Variants in PCSK5 observed in about 807,000 individuals in gnomAD.
The protein encoded by PCSK5 is prohormone convertase 5.
Under a neutral mutation model 233.2 loss-of-function variants are expected in PCSK5, and 129 were observed. The ratio of observed to expected loss-of-function variants is 0.55; its 90% CI spans 0.48 to 0.64. The LOEUF is 0.64. Among genes scored for constraint, PCSK5 ranks in the 30% least tolerant of loss-of-function variants. The pLI is 0.00. For missense variants in PCSK5, 2,076 were observed against 2,430.1 expected, an observed-to-expected ratio of 0.85 and a Z score of 3.06; for synonymous variants, 825 against 879.2, an observed-to-expected ratio of 0.94 and a Z score of 1.09.
Position 75,904,175 on chromosome 9 carries a change from G to A in PCSK5, c.192+12802G>A, listed in dbSNP as rs576694409. Among the ~76,000 whole-genome samples the A allele has an allele frequency of 3.3e-5, 5 of 152,250 alleles. No homozygotes were observed. In the South Asian group the frequency reaches 1.0e-3, roughly 32 times the overall value. ...TTGGACAATGCTGGGAACCAGTGAA[G>A]GAAACTCAAAGCTGAAAACAGGTGA... On this transcript the variant is annotated intron_variant, in intron 1 of 37. Transcript: ENST00000674117.
chr9:76,350,996 T>G (rs1830108975), intron 36 of PCSK5, 68 bp downstream of exon 36: 1 of 787,114 alleles, frequency 1.3e-6, no homozygotes, highest in Non-Finnish European at 2.2e-6. Flanking sequence ...ACTTCCTGCA[T>G]GTCATTCTGG....
chr9:75,911,201 G>GTTT (rs71370772), intron 1 of PCSK5, among the ~76,000 whole-genome samples: 647 of 48,754 alleles, frequency 0.013, 70 homozygotes, highest in African/African-American at 0.026. Flanking sequence ...GAACATATAG[G>GTTT]TTTTTTTTTT....
At chr9:76,120,112 G>A (rs1001271454) in intron 9 of PCSK5, among the ~76,000 whole-genome samples, 49 of 151,918 alleles carry the variant, frequency 3.2e-4, no homozygotes, top group Non-Finnish European at 8.8e-5. Flanking sequence ...TTATTTTGTT[G>A]TCCAGTATGA....
At chr9:76,044,571 C>T (rs1457374046) in intron 5 of PCSK5, among the ~76,000 whole-genome samples, 2 of 152,186 alleles carry the variant, frequency 1.3e-5, no homozygotes, top group Non-Finnish European at 2.9e-5. Context: ...GTGAGCATTA[C>T]AGATCATGCA....
intron 2 of PCSK5, among the ~76,000 whole-genome samples, chr9:75,937,645 G>A (rs764298635): frequency 8.5e-5 from 13 of 152,230 alleles, no homozygotes; most frequent in Non-Finnish European, 1.6e-4. Context: ...AAAGTCATAG[G>A]TGGCATCTTC....
intron 35 of PCSK5, among the ~76,000 whole-genome samples, chr9:76,346,012 G>A (rs961457199): frequency 7.2e-5 from 11 of 152,196 alleles, no homozygotes; most frequent in Admixed American, 5.9e-4. Flanking sequence ...GGACCACCAC[G>A]CCTGGCCAAA....
chr9:75,908,654 G>A (rs7044354), intron 1 of PCSK5, among the ~76,000 whole-genome samples: 8,808 of 151,976 alleles, frequency 0.058, 383 homozygotes, highest in African/African-American at 0.11. Context: ...TCTCACTGCC[G>A]GGACATCCAC....
intron 1 of PCSK5, among the ~76,000 whole-genome samples, chr9:75,900,846 T>G (rs548592561): frequency 4.1e-4 from 62 of 152,166 alleles, no homozygotes; most frequent in African/African-American, 1.4e-3. Context: ...GTGTGTCTAA[T>G]TACACACCTA....
intron 27 of PCSK5, among the ~76,000 whole-genome samples, chr9:76,301,640 T>C (rs1259860815): frequency 1.3e-5 from 2 of 152,088 alleles, no homozygotes; most frequent in Non-Finnish European, 2.9e-5. Flanking sequence ...TCCAGGAGTT[T>C]GAGACCAACC....
chr9:76,177,569 G>A lies in PCSK5; in HGVS notation c.1901-2027G>A, dbSNP rs372174320. On this transcript the variant is annotated intron_variant, in intron 14 of 37. Coordinates refer to ENST00000674117, the MANE Select transcript of PCSK5 (RefSeq NM_001372043.1). Reference sequence around the variant, plus strand: ...TAGATTTTGTGATGTTTTGCTTTGAGCCTATAGCATTGCTATTTATATTTT... The same window carrying A: ...TAGATTTTGTGATGTTTTGCTTTGAACCTATAGCATTGCTATTTATATTTT... Among the ~76,000 whole-genome samples the A allele has an allele frequency of 1.1e-3, 166 of 152,252 alleles. No homozygotes were observed. The Middle Eastern group carries it at 0.014, about 12-fold the overall frequency.
At chr9:76,269,067 G>A (rs1827426377) in intron 24 of PCSK5, among the ~76,000 whole-genome samples, 1 of 152,148 alleles carries the variant, frequency 6.6e-6, no homozygotes, top group Admixed American at 6.5e-5. Context: ...GCCAGCTGGG[G>A]ACTGAGGCCA....
intron 24 of PCSK5, among the ~76,000 whole-genome samples, chr9:76,270,178 C>A (rs538389692): frequency 2.1e-3 from 321 of 152,150 alleles, no homozygotes; most frequent in African/African-American, 7.0e-3. Flanking sequence ...TCAGAAAATA[C>A]GTCTGTTGGA....
rs1372324095 is a variant in PCSK5 at position 76,351,539 on chromosome 9, A to AGG, written c.5067+611_5067+612insGG. Among the ~76,000 whole-genome samples, 10 of 106,066 alleles carry AGG rather than the reference A, an allele frequency of 9.4e-5. 1 individual carries two copies. The highest frequency in any genetic ancestry group is 1.3e-4 in the Non-Finnish European group (6 of 46,710). The allele number at this position is 106,066 out of a possible 152,430, so 69.6% of individuals were successfully genotyped here. On this transcript the variant is annotated intron_variant, in intron 36 of 37. Transcript: ENST00000674117. Reference sequence around the variant, plus strand: ...AAGAAAGAAAGAAAGAAAGGAAGGAAAGAAAGAGAAAGAAGAGAGAGAGAG... The same window carrying AGG: ...AAGAAAGAAAGAAAGAAAGGAAGGAAGGAGAAAGAGAAAGAAGAGAGAGAGAG...
chr9:76,357,513 C>T lies in PCSK5; in HGVS notation c.5255-1000C>T, dbSNP rs140387124. Among the ~76,000 whole-genome samples, 381 of 150,886 alleles carry T rather than the reference C, an allele frequency of 2.5e-3. 1 individual carries two copies. The highest frequency in any genetic ancestry group is 7.9e-3 in the African/African-American group (324 of 41,194). On this transcript the variant is annotated intron_variant, in intron 37 of 37. Transcript: ENST00000674117. ...CAGCCTGGGTGACAGAGCGAGACTCCATCTCAAAAAAAAAAACTCTTAATA... is the reference window on the plus strand; with the variant it reads ...CAGCCTGGGTGACAGAGCGAGACTCTATCTCAAAAAAAAAAACTCTTAATA...
chr9:76,100,275 G>A (rs982117840), intron 8 of PCSK5, among the ~76,000 whole-genome samples: 2 of 152,200 alleles, frequency 1.3e-5, no homozygotes, highest in Non-Finnish European at 2.9e-5. Flanking sequence ...TTATTTTAAA[G>A]TTGTATAACG....
chr9:76,360,358 G>A lies in PCSK5; in HGVS notation c.*1436G>A, dbSNP rs1461083087. The A allele has an allele frequency of 1.3e-5, 2 of 152,070 alleles. No homozygotes were observed. Among genetic ancestry groups the A allele is most frequent in the African/African-American group, 2.4e-5 (1 of 41,388 alleles). 9.4% of individuals were successfully genotyped at this position (152,070 alleles called of 1,614,324 possible). A position where few individuals can be genotyped will look rare whatever the true frequency, so the allele number is the denominator to read the frequency against. On this transcript the variant is annotated 3_prime_UTR_variant, in exon 38 of 38. Transcript: ENST00000674117. ...GAAACCTGAGGCTTACAAGAGGTTA[G>A]GTAACTAGTCCAAGGTCATGCAAAG... is the stretch of plus-strand genomic sequence containing the variant.
Position 75,928,955 on chromosome 9 carries a change from G to T in PCSK5, c.193-3424G>T, listed in dbSNP as rs927353420. ...TTTATTTATTTATTTATTTATTTAT[G>T]AGACACAGTCTTGCTCTGTCACCAG... On this transcript the variant is annotated intron_variant, in intron 1 of 37. Transcript: ENST00000674117. 5.4e-4 allele frequency among the ~76,000 whole-genome samples: 68 copies of T among 126,302 alleles called. 1 individual carries two copies. The highest frequency in any genetic ancestry group is 2.2e-3 in the African/African-American group (66 of 29,754). 82.9% of individuals were successfully genotyped at this position (126,302 alleles called of 152,430 possible).
chr9:76,220,132 A>G (rs936036092), intron 20 of PCSK5, among the ~76,000 whole-genome samples: 1 of 152,222 alleles, frequency 6.6e-6, no homozygotes, highest in Non-Finnish European at 1.5e-5. Context: ...AACATGAGCA[A>G]TAAATGGATT....
intron 12 of PCSK5, 140 bp from the exon 13 acceptor site, chr9:76,169,564 G>A (rs41288753): frequency 2.0e-5 from 11 of 556,244 alleles, no homozygotes; most frequent in Non-Finnish European, 2.9e-5. Context: ...TCTGCAAATT[G>A]GTGACATCCA....
Sources: allele counts gnomAD v4.1 joint callset (sites outside exome capture counted in the v4.1 genomes callset), GRCh38; gene constraint gnomAD v4.1.1; transcripts MANE v1.5; gene names NCBI Gene and HGNC (gene_info 2026-07-23, HGNC 2026-07-21).